Variants in CDC42BPG observed in about 807,000 individuals in gnomAD.
The protein encoded by CDC42BPG is CDC42 binding protein kinase gamma.
A neutral mutation model predicts 192.2 loss-of-function variants in CDC42BPG; 157 were observed. The observed-to-expected ratio is 0.82, with a 90% CI of 0.72 to 0.93. The LOEUF (loss-of-function observed/expected upper bound fraction) is 0.93. Ranked by LOEUF, CDC42BPG falls within the 40% of genes least tolerant of loss-of-function variation. The pLI is 0.00. For missense variants in CDC42BPG, 1,992 were observed against 2,122.1 expected, an observed-to-expected ratio of 0.94 and a Z score of 1.20; for synonymous variants, 981 against 918.5, an observed-to-expected ratio of 1.07 and a Z score of -1.23.
At position 64,827,274 on chromosome 11, in the gene CDC42BPG, G is replaced by T. The variant is rs1427582156; in HGVS notation, c.4271+4C>A. 3 of 1,613,356 alleles carry T rather than the reference G, an allele frequency of 1.9e-6. No homozygotes were observed. The highest frequency in any genetic ancestry group is 1.1e-5 in the South Asian group (1 of 90,970). ...GCCTCAGCCCCCGCGTCGTGCACGC[G>T]CACCTGCGCTGCTGCTTCTGCTGCT... On this transcript the variant is annotated splice_donor_region_variant and intron_variant, in intron 33 of 36. Coordinates refer to ENST00000342711, the MANE Select transcript of CDC42BPG (RefSeq NM_017525.3).
At chr11:64,824,933 T>C (rs1281221522) in intron 36 of CDC42BPG, among the ~76,000 whole-genome samples, 2 of 150,950 alleles carry the variant, frequency 1.3e-5, no homozygotes, top group Non-Finnish European at 3.0e-5. Flanking sequence ...TTTCGTTTTT[T>C]TTTTTGGAGA....
Position 64,834,529 on chromosome 11 carries a change from T to G in CDC42BPG, c.2224A>C (p.Arg742=), listed in dbSNP as rs1393211442. The part of the protein sequence containing the change: ...RRLQKMEASA[R]LELQSALEAE... ...TCCAGCGCTGACTGCAGCTCCAGCC[T>G]GGCCGAGGCCTCCATCTTCTGCAGT... Residue 742 remains arginine, a synonymous_variant, in exon 19 of 37, where the codon AGG becomes CGG. Transcript: ENST00000342711. The G allele has an allele frequency of 1.5e-5, 24 of 1,585,988 alleles. No individual in the cohort carries two copies. The highest frequency in any genetic ancestry group is 2.1e-5 in the Non-Finnish European group (24 of 1,164,000).
chr11:64,830,448 A>G (rs1942632839), intron 28 of CDC42BPG, 192 bp from the exon 29 acceptor site: 1 of 627,704 alleles, frequency 1.6e-6, no homozygotes, highest in African/African-American at 1.8e-5. Flanking sequence ...GGTGAGGCCC[A>G]TCATCTTGAG....
rs780851945 is a variant in CDC42BPG at position 64,832,700 on chromosome 11, AAC to A, written c.2907_2908del (p.Phe970CysfsTer5). ...CAGGCGTGAGTCACTCAGGGCAGCA[AAC>A]ACGCGCTGCCAGCCCCGCCGGACAC... On this transcript the variant is annotated frameshift_variant, in exon 26 of 37. Coordinates refer to ENST00000342711, the MANE Select transcript of CDC42BPG (RefSeq NM_017525.3). LOFTEE classifies it high-confidence loss of function. 17 of 1,612,466 alleles carry A rather than the reference AAC, an allele frequency of 1.1e-5. No homozygotes were observed. Among genetic ancestry groups the A allele is most frequent in the African/African-American group, 1.3e-5 (1 of 74,904 alleles).
At position 64,836,175 on chromosome 11, in the gene CDC42BPG, G is replaced by T. The variant is rs34241745; in HGVS notation, c.1610C>A (p.Ala537Asp). 1,304 of 1,593,132 alleles carry T rather than the reference G, an allele frequency of 8.2e-4. 19 individuals carry two copies. The East Asian group carries it at 0.024, about 30-fold the overall frequency. ...GGAGCTCAGGGCCCGGGTCTGGCTA[G>T]CTGTGGCCGCCTCTCTCTCCTGGGC... ...QEAQEREAAT[A>D]SQTRALSSQL... Residue 537 changes from alanine to aspartate, a missense_variant, in exon 13 of 37, where the codon GCT becomes GAT. Ala to Asp is a moderately radical substitution (Grantham distance 126). This residue lies in a region of CDC42BPG where 1,656 missense variants were observed against 1,844.3 expected (regional missense o/e 0.90). Coordinates refer to ENST00000342711, the MANE Select transcript of CDC42BPG (RefSeq NM_017525.3).
At chr11:64,826,930 T>A in intron 34 of CDC42BPG, 120 bp downstream of exon 34, 1 of 1,173,996 alleles carries the variant, frequency 8.5e-7, no homozygotes, top group Non-Finnish European at 1.2e-6. Context: ...GTAGCAGAAG[T>A]GTGAGTCCCA....
At chr11:64,841,998 GC>G in intron 1 of CDC42BPG, 94 bp from the exon 2 acceptor site, 1 of 1,029,506 alleles carries the variant, frequency 9.7e-7, no homozygotes, top group Non-Finnish European at 1.5e-6. Flanking sequence ...GCTCCTGTGA[GC>G]CCAGGCAGGG....
At position 64,829,613 on chromosome 11, in the gene CDC42BPG, G is replaced by T; in HGVS notation, c.3825C>A (p.Gly1275=). 3.1e-6 allele frequency: 5 copies of T among 1,611,766 alleles called. No individual in the cohort carries two copies. Among genetic ancestry groups the T allele is most frequent in the Non-Finnish European group, 4.2e-6 (5 of 1,179,394 alleles). Residue 1275 remains glycine (G), a synonymous_variant, in exon 30 of 37, where the codon GGC becomes GGA. Transcript: ENST00000342711. ...CCACGGCACCCAGTGCCTCACCCAG[G>T]CCCCCGCGGGATGGTGGCAGCTCCT... is the stretch of plus-strand genomic sequence containing the variant. The part of the protein sequence containing the change: ...VPEELPPSRG[G]LGEALGAVEL...
At chr11:64,839,815 A>G (rs568817657) in intron 5 of CDC42BPG, among the ~76,000 whole-genome samples, 3 of 152,272 alleles carry the variant, frequency 2.0e-5, no homozygotes, top group African/African-American at 7.2e-5. Context: ...AGAGTGTGCT[A>G]TGGGGGACGC....
rs1942322369 is a variant in CDC42BPG, at chr11:64,823,721, T to G, written c.*752A>C. On this transcript the variant is annotated 3_prime_UTR_variant, in exon 37 of 37. Coordinates refer to ENST00000342711, the MANE Select transcript of CDC42BPG (RefSeq NM_017525.3). Reference sequence around the variant, plus strand: ...CCCATCCTGTCCCTGTCCAGGATTCTCTTCCCCGATGGGAGGATTGGCTGA... The same window carrying G: ...CCCATCCTGTCCCTGTCCAGGATTCGCTTCCCCGATGGGAGGATTGGCTGA... The G allele has an allele frequency of 6.6e-6, 1 of 152,258 alleles. No homozygotes were observed. The highest frequency in any genetic ancestry group is 2.4e-5 in the African/African-American group (1 of 41,390). 9.4% of individuals were successfully genotyped at this position (152,258 alleles called of 1,614,324 possible). A position where few individuals can be genotyped will look rare whatever the true frequency, so the allele number is the denominator to read the frequency against.
chr11:64,834,257 GC>G lies in CDC42BPG; in HGVS notation c.2413+8del. On this transcript the variant is annotated splice_region_variant and intron_variant, in intron 20 of 36. Coordinates refer to ENST00000342711, the MANE Select transcript of CDC42BPG (RefSeq NM_017525.3). ...CTGGCTCCGGGGCAAGCAGTTGGCA[GC>G]CACTCACCCACTGGCCCTCGGGCCC... is the stretch of plus-strand genomic sequence containing the variant. 6.4e-7 allele frequency: 1 copy of G among 1,561,658 alleles called. No individual in the cohort carries two copies.
Position 64,824,498 on chromosome 11 carries a change from G to T in CDC42BPG, c.4631C>A (p.Ser1544Tyr), listed in dbSNP as rs766732886. The T allele has an allele frequency of 6.2e-7, 1 of 1,608,286 alleles. No homozygotes were observed. The highest frequency in any genetic ancestry group is 8.5e-7 in the Non-Finnish European group (1 of 1,174,564). The change falls in exon 37 of 37, where the codon TCC (serine) becomes TAC (tyrosine). Residue 1544 changes from serine (S) to tyrosine (Y), a missense_variant. Coordinates refer to ENST00000342711, the MANE Select transcript of CDC42BPG (RefSeq NM_017525.3). ...VSERPRSLPL[S>Y]PELESSP ...TCAAGGAGAGCTCTCCAATTCAGGGGATAGGGGGAGGCTTCGGGGCCGTTC... is the reference window on the plus strand; with the variant it reads ...TCAAGGAGAGCTCTCCAATTCAGGGTATAGGGGGAGGCTTCGGGGCCGTTC...
rs200099733 is a variant in CDC42BPG, at chr11:64,832,352, T to TG, written c.3087+75dup. On this transcript the variant is annotated intron_variant, in intron 27 of 36. Transcript: ENST00000342711. ...GCTGGCCCAAGAGGGCAGTATGAAG[T>TG]GGGGGGACAGTGGCCAGAGCTGGGA... The TG allele has an allele frequency of 8.2e-3, 11,893 of 1,450,610 alleles. 89 individuals carry two copies. Among genetic ancestry groups the TG allele is most frequent in the Middle Eastern group, 0.017 (91 of 5,476 alleles). The allele number at this position is 1,450,610 out of a possible 1,614,324, so 89.9% of individuals were successfully genotyped here. A position where few individuals can be genotyped will look rare whatever the true frequency, so the allele number is the denominator to read the frequency against.
chr11:64,836,744 A>G lies in CDC42BPG; in HGVS notation c.1379T>C (p.Leu460Pro). ...RKEVQTLRDR[L>P]PEMLRDKASL... ...GGGGTGGGCGGAAGGGATACCTGGC[A>G]GCCTGTCCCGCAGAGTCTGCACTTC... The change falls in exon 11 of 37, where the codon CTG (leucine) becomes CCG (proline). Residue 460 changes from leucine (L) to proline (P), a missense_variant. Leu to Pro is a moderately conservative substitution (Grantham distance 98). This residue lies in a region of CDC42BPG where 1,656 missense variants were observed against 1,844.3 expected (regional missense o/e 0.90). Transcript: ENST00000342711. 8.4e-7 allele frequency: 1 copy of G among 1,184,138 alleles called. No homozygotes were observed. The allele number at this position is 1,184,138 out of a possible 1,614,324, so 73.4% of individuals were successfully genotyped here. A position where few individuals can be genotyped will look rare whatever the true frequency, so the allele number is the denominator to read the frequency against.
At chr11:64,833,717 G>C in intron 22 of CDC42BPG, 21 bp downstream of exon 22, 2 of 1,613,678 alleles carry the variant, frequency 1.2e-6, no homozygotes, top group East Asian at 4.5e-5. Flanking sequence ...GGCCCCCTAC[G>C]ATGGACCCAC....
rs1000480085 is a variant in CDC42BPG, at chr11:64,823,603, CCT to C, written c.*868_*869del. On this transcript the variant is annotated 3_prime_UTR_variant, in exon 37 of 37. Coordinates refer to ENST00000342711, the MANE Select transcript of CDC42BPG (RefSeq NM_017525.3). Reference sequence around the variant, plus strand: ...GTTGAAGATTCGAGAAAAACGACCCCCTTTCTGGGAAGGGCCAGAGTGTGCCC... The same window carrying C: ...GTTGAAGATTCGAGAAAAACGACCCCTTCTGGGAAGGGCCAGAGTGTGCCC... The C allele has an allele frequency of 4.6e-5, 7 of 152,106 alleles. No homozygotes were observed. Among genetic ancestry groups the C allele is most frequent in the Non-Finnish European group, 1.0e-4 (7 of 68,022 alleles). The allele number at this position is 152,106 out of a possible 1,614,324, so 9.4% of individuals were successfully genotyped here. A position where few individuals can be genotyped will look rare whatever the true frequency, so the allele number is the denominator to read the frequency against.
At chr11:64,838,509 GGTCA>G in intron 8 of CDC42BPG, 141 bp downstream of exon 8, 5 of 1,155,184 alleles carry the variant, frequency 4.3e-6, no homozygotes, top group Non-Finnish European at 6.1e-6. Flanking sequence ...GGCTGGAACG[GGTCA>G]GTCTGGGAGT....
At position 64,836,233 on chromosome 11, in the gene CDC42BPG, GC is replaced by G; in HGVS notation, c.1551del (p.Gln518SerfsTer26). On this transcript the variant is annotated frameshift_variant, in exon 13 of 37. Transcript: ENST00000342711. LOFTEE classifies it high-confidence loss of function. Reference sequence around the variant, plus strand: ...AGCCTCTGAAGCAGCTCCTCCTGCTGCCCCTGGGCCCTGCAGAGCTCCTGCT... The same window carrying G: ...AGCCTCTGAAGCAGCTCCTCCTGCTGCCCTGGGCCCTGCAGAGCTCCTGCT... ...AQEQELCRAQ[G>X]QQEELLQRLQ... is the part of the protein sequence containing the mutation. 1 of 1,600,192 alleles carries G rather than the reference GC, an allele frequency of 6.2e-7. No homozygotes were observed. Among genetic ancestry groups the G allele is most frequent in the Non-Finnish European group, 8.5e-7 (1 of 1,175,656 alleles).
chr11:64,825,109 G>A (rs1175219230), intron 36 of CDC42BPG, among the ~76,000 whole-genome samples: 1 of 152,046 alleles, frequency 6.6e-6, no homozygotes, highest in Non-Finnish European at 1.5e-5. Context: ...TAGAGACAGG[G>A]TTTCACCATG....
Sources: gnomAD v4.1 joint callset for allele counts (sites outside exome capture counted in the v4.1 genomes callset) on GRCh38, gnomAD v4.1.1 for gene constraint, gnomAD v4.1.1 regional missense constraint, MANE v1.5 for transcripts, NCBI Gene and HGNC (gene_info 2026-07-23, HGNC 2026-07-21) for gene names.